The following GP6 variants were observed in gnomAD, a reference collection of about 807,000 sequenced individuals.
GP6 encodes platelet glycoprotein VI.
In GP6, 45 loss-of-function variants were observed where a neutral mutation model predicts 37.3. That is an observed-to-expected ratio of 1.21 (90% CI 0.95 to 1.55). GP6 has a LOEUF of 1.55. Among genes scored for constraint, GP6 ranks in the 40% most tolerant of loss-of-function variants. The pLI, the probability that GP6 is intolerant of heterozygous loss-of-function variation, is 0.00. For synonymous variants in GP6, 340 were observed against 316.4 expected (o/e 1.07, Z -0.79); for missense variants, 813 against 760.2 (o/e 1.07, Z -0.82).
intron 7 of GP6, 45 bp downstream of exon 7, chr19:55,015,638 A>G (rs1469287493): frequency 5.7e-6 from 7 of 1,217,554 alleles, no homozygotes; most frequent in Non-Finnish European, 8.6e-6. Context: ...TTTGGTGAAG[A>G]GACGGGTGAG....
chr19:55,032,191 C>T lies in GP6; in HGVS notation c.273G>A (p.Gln91=). The change falls in exon 3 of 8, where the codon CAG becomes CAA. Residue 91 remains glutamine, a synonymous_variant. Transcript: ENST00000310373. ...TGGGCAGGGACCAGAGGCTTCCGTT[C>T]TGGTAGGAGCAGCGGTAGCGTCCAG... 6.2e-7 allele frequency: 1 copy of T among 1,614,082 alleles called. No homozygotes were observed. The highest frequency in any genetic ancestry group is 1.1e-5 in the South Asian group (1 of 91,086).
chr19:55,034,891 G>A (rs566853672), intron 1 of GP6, among the ~76,000 whole-genome samples: 6 of 152,000 alleles, frequency 3.9e-5, no homozygotes, highest in Non-Finnish European at 7.4e-5. Context: ...TGTCACCAGC[G>A]CCCCCATAGC....
Position 55,027,613 on chromosome 19 carries a change from G to C in GP6, c.575C>G (p.Ser192Ter), listed in dbSNP as rs534339924. 2 of 1,613,392 alleles carry C rather than the reference G, an allele frequency of 1.2e-6. No individual in the cohort carries two copies. Among genetic ancestry groups the C allele is most frequent in the East Asian group, 2.2e-5 (1 of 44,856 alleles). ...AAGCTCCAGGGGGTCGCTGGGGGCT[G>C]ACCACAGGTATGGGTCCCTGCTGGA... Residue 192 changes from serine to a stop codon, truncating the protein, a stop_gained, in exon 4 of 8, where the codon TCA (serine) becomes TGA (stop). Coordinates refer to ENST00000310373, the MANE Select transcript of GP6 (RefSeq NM_001083899.2). LOFTEE classifies it high-confidence loss of function.
rs748340999 is a variant in GP6 at position 55,014,355 on chromosome 19, C to A, written c.1590G>T (p.Pro530=). Residue 530 remains proline (P), a synonymous_variant, in exon 8 of 8, where the codon CCG becomes CCT. Transcript: ENST00000310373. ...TCTTGTTTTCTAATGTGAAGGGAAG[C>A]GGGCAACGTGCTAGTTTTACACTAA... 6.2e-7 allele frequency: 1 copy of A among 1,610,874 alleles called. No homozygotes were observed.
intron 6 of GP6, among the ~76,000 whole-genome samples, chr19:55,017,379 G>A (rs1369438174): frequency 3.9e-5 from 6 of 152,088 alleles, no homozygotes; most frequent in Non-Finnish European, 5.9e-5. Flanking sequence ...CCAAAGTGCT[G>A]GGATTACAGA....
intron 5 of GP6, among the ~76,000 whole-genome samples, chr19:55,024,370 G>A (rs1316607067): frequency 4.7e-5 from 6 of 126,688 alleles, no homozygotes; most frequent in Admixed American, 4.0e-4. Context: ...ACATATGCAC[G>A]CACACAGTAT....
rs1344152418 is a variant in GP6 at position 55,032,141 on chromosome 19, G to A, written c.323C>T (p.Thr108Met). The A allele has an allele frequency of 3.7e-6, 6 of 1,613,516 alleles. No homozygotes were observed. The highest frequency in any genetic ancestry group is 4.5e-5 in the East Asian group (2 of 44,894). Reference sequence around the variant, plus strand: ...GGCTCCGATCCCCCTTCCTTTACCCGTGGCAACGAGCTCCAGCTGGTCGCT... The same window carrying A: ...GGCTCCGATCCCCCTTCCTTTACCCATGGCAACGAGCTCCAGCTGGTCGCT... The change falls in exon 3 of 8, where the codon ACG (threonine) becomes ATG (methionine). Residue 108 changes from threonine (T) to methionine (M), a missense_variant and splice_region_variant. Coordinates refer to ENST00000310373, the MANE Select transcript of GP6 (RefSeq NM_001083899.2).
At chr19:55,029,378 T>A (rs1174469432) in intron 3 of GP6, among the ~76,000 whole-genome samples, 11 of 11,666 alleles carry the variant, frequency 9.4e-4, no homozygotes, top group African/African-American at 2.6e-3. Context: ...ATATATATTT[T>A]TTTTTTTTTT....
intron 6 of GP6, among the ~76,000 whole-genome samples, chr19:55,017,452 C>T (rs541927556): frequency 5.9e-5 from 9 of 151,960 alleles, no homozygotes; most frequent in Admixed American, 1.3e-4. Flanking sequence ...AGACACTGAG[C>T]GAGAGCAGAG....
intron 6 of GP6, among the ~76,000 whole-genome samples, chr19:55,016,915 G>T (rs2073897334): frequency 6.6e-6 from 1 of 151,820 alleles, no homozygotes; most frequent in South Asian, 2.1e-4. Context: ...AAATAGCTGG[G>T]CATGGTGGCA....
chr19:55,027,520 A>G (rs2074349594), intron 4 of GP6, 58 bp downstream of exon 4: 2 of 1,357,298 alleles, frequency 1.5e-6, no homozygotes, highest in Non-Finnish European at 2.1e-6. Context: ...CTCCCTTGGA[A>G]TGGCCATCAG....
intron 3 of GP6, among the ~76,000 whole-genome samples, chr19:55,031,006 G>T (rs2146861233): frequency 6.6e-6 from 1 of 152,068 alleles, no homozygotes; most frequent in Non-Finnish European, 1.5e-5. Flanking sequence ...ATGCCACCAT[G>T]CCCCACTAAT....
chr19:55,026,822 G>A (rs562115868), intron 4 of GP6, among the ~76,000 whole-genome samples: 124 of 151,970 alleles, frequency 8.2e-4, no homozygotes, highest in Middle Eastern at 6.8e-3. Context: ...GAAGGCGGAG[G>A]TTGCAGTGAG....
chr19:55,024,291 T>C lies in GP6; in HGVS notation c.664+927A>G, dbSNP rs1378537900. ...ATGCACGCATGCACACACACACATA[T>C]GCACGCATGCACACACATATGCACG... On this transcript the variant is annotated intron_variant, in intron 5 of 7. Coordinates refer to ENST00000310373, the MANE Select transcript of GP6 (RefSeq NM_001083899.2). Among the ~76,000 whole-genome samples the C allele has an allele frequency of 3.2e-3, 365 of 113,416 alleles. 2 individuals carry two copies. Among genetic ancestry groups the C allele is most frequent in the Non-Finnish European group, 5.1e-3 (250 of 49,380 alleles). 74.4% of individuals were successfully genotyped at this position (113,416 alleles called of 152,430 possible). A position where few individuals can be genotyped will look rare whatever the true frequency, so the allele number is the denominator to read the frequency against.
rs2073784267 is a variant in GP6 at position 55,014,671 on chromosome 19, G to A, written c.1274C>T (p.Pro425Leu). The A allele has an allele frequency of 6.2e-7, 1 of 1,613,914 alleles. No individual in the cohort carries two copies. Among genetic ancestry groups the A allele is most frequent in the South Asian group, 1.1e-5 (1 of 91,054 alleles). The change falls in exon 8 of 8, where the codon CCC (proline) becomes CTC (leucine). Residue 425 changes from proline to leucine, a missense_variant. By Grantham distance (98) the Pro-to-Leu change is moderately conservative. Coordinates refer to ENST00000310373, the MANE Select transcript of GP6 (RefSeq NM_001083899.2). ...GTACCATGTCATCCACAGTGTGCAG[G>A]GAGGAGGATGGGGTCTCCACAGATT...
At chr19:55,032,077 C>T in intron 3 of GP6, 62 bp downstream of exon 3, 1 of 1,550,916 alleles carries the variant, frequency 6.4e-7, no homozygotes. Flanking sequence ...CTCAATGTCC[C>T]CCGTATTTGT....
rs75278698 is a variant in GP6 at position 55,018,363 on chromosome 19, G to A, written c.724+289C>T. On this transcript the variant is annotated intron_variant, in intron 6 of 7. Coordinates refer to ENST00000310373, the MANE Select transcript of GP6 (RefSeq NM_001083899.2). ...GAGATTAAATACCTGGATCACAGCC[G>A]AGTCCAAAGCCTAGGACTTCATCCT... is the stretch of plus-strand genomic sequence containing the variant. Among the ~76,000 whole-genome samples, 1,140 of 152,346 alleles carry A rather than the reference G, an allele frequency of 7.5e-3. 12 individuals carry two copies. The highest frequency in any genetic ancestry group is 0.026 in the African/African-American group (1,099 of 41,590).
At chr19:55,019,621 G>T (rs118070819) in intron 5 of GP6, among the ~76,000 whole-genome samples, 1 of 151,468 alleles carries the variant, frequency 6.6e-6, no homozygotes, top group East Asian at 1.9e-4. Flanking sequence ...GAATGAGCTC[G>T]TGTTAGCCTC....
chr19:55,031,375 G>T (rs1226557587), intron 3 of GP6, among the ~76,000 whole-genome samples: 1 of 152,310 alleles, frequency 6.6e-6, no homozygotes, highest in East Asian at 1.9e-4. Flanking sequence ...GCTCCAGGCT[G>T]CAGTGAGCTA....
Sources: gnomAD v4.1 joint callset for allele counts (sites outside exome capture counted in the v4.1 genomes callset) on GRCh38, gnomAD v4.1.1 for gene constraint, MANE v1.5 for transcripts, NCBI Gene and HGNC (gene_info 2026-07-23, HGNC 2026-07-21) for gene names.